The following WDPCP variants were observed in gnomAD, a reference collection of about 807,000 sequenced individuals.
WDPCP encodes the protein WD repeat containing planar cell polarity effector.
Under a neutral mutation model 93.1 loss-of-function variants are expected in WDPCP, and 71 were observed. That is an observed-to-expected ratio of 0.76 (90% CI 0.63 to 0.93). The LOEUF (loss-of-function observed/expected upper bound fraction) is 0.93. WDPCP is among the 40% of genes least tolerant of loss of function. The pLI, the probability that WDPCP is intolerant of heterozygous loss-of-function variation, is 0.00. For synonymous variants in WDPCP, 315 were observed against 315.0 expected (o/e 1.00, Z 0.00); for missense variants, 844 against 887.4 (o/e 0.95, Z 0.62).
chr2:63,357,573 TC>T (rs1380667689), intron 12 of WDPCP, among the ~76,000 whole-genome samples: 1 of 152,064 alleles, frequency 6.6e-6, no homozygotes, highest in Non-Finnish European at 1.5e-5. Context: ...CATCTCACAG[TC>T]AGAATGGCTA....
chr2:63,508,943 G>C (rs982836433), intron 1 of WDPCP, among the ~76,000 whole-genome samples: 5 of 152,132 alleles, frequency 3.3e-5, no homozygotes, highest in Non-Finnish European at 5.9e-5. Context: ...CAAGTTCTTA[G>C]AGACCTACAA....
intron 3 of WDPCP, among the ~76,000 whole-genome samples, chr2:63,602,934 C>CTTTTTTTTTTTTTTTTTTTTTTTTTTTTT (rs370479356): frequency 1.5e-5 from 2 of 131,538 alleles, no homozygotes; most frequent in Non-Finnish European, 3.4e-5. Flanking sequence ...TTTAACCGTT[C>CTTTTTTTTTTTTTTTTTTTTTTTTTTTTT]TTTTTTTTTT....
chr2:63,825,906 A>C (rs1671106238), intron 1 of WDPCP, among the ~76,000 whole-genome samples: 1 of 152,130 alleles, frequency 6.6e-6, no homozygotes, highest in Non-Finnish European at 1.5e-5. Flanking sequence ...AACAGTCCTT[A>C]TGATTTCCTT....
chr2:63,597,415 T>A (rs779201592), intron 3 of WDPCP: 3 of 1,441,696 alleles, frequency 2.1e-6, no homozygotes, highest in African/African-American at 1.5e-5. Flanking sequence ...TCGCAACAGA[T>A]AAAGAAGACG....
At chr2:63,499,079 A>G (rs1162217562) in intron 1 of WDPCP, among the ~76,000 whole-genome samples, 2 of 152,244 alleles carry the variant, frequency 1.3e-5, no homozygotes, top group Admixed American at 1.3e-4. Context: ...AAAGTTTTAT[A>G]GAATGGGCCT....
chr2:63,551,804 C>T (rs564190471), intron 1 of WDPCP, among the ~76,000 whole-genome samples: 1 of 151,872 alleles, frequency 6.6e-6, no homozygotes, highest in Non-Finnish European at 1.5e-5. Flanking sequence ...TTATTTGTTA[C>T]ATAAAAGGCA....
At chr2:63,417,343 T>G (rs1007339802) in intron 9 of WDPCP, among the ~76,000 whole-genome samples, 1 of 152,330 alleles carries the variant, frequency 6.6e-6, no homozygotes, top group African/African-American at 2.4e-5. Context: ...TTTAACCCTG[T>G]AGTTGGCATA....
chr2:63,660,209 C>T (rs972091077), intron 2 of WDPCP, among the ~76,000 whole-genome samples: 3 of 151,984 alleles, frequency 2.0e-5, no homozygotes, highest in Non-Finnish European at 2.9e-5. Context: ...TTTACCAGGA[C>T]TACAAGTCCT....
intron 14 of WDPCP, among the ~76,000 whole-genome samples, chr2:63,204,636 C>T (rs1299354683): frequency 6.6e-6 from 1 of 152,212 alleles, no homozygotes; most frequent in Non-Finnish European, 1.5e-5. Flanking sequence ...GCCACTGCGC[C>T]TGGCCTGTAC....
chr2:63,282,920 A>T (rs1160164555), intron 13 of WDPCP, among the ~76,000 whole-genome samples: 2 of 152,198 alleles, frequency 1.3e-5, no homozygotes, highest in Admixed American at 1.3e-4. Flanking sequence ...ATTACTTATA[A>T]CACTTACTAT....
At chr2:63,382,349 G>A (rs1267770236) in intron 10 of WDPCP, among the ~76,000 whole-genome samples, 7 of 151,920 alleles carry the variant, frequency 4.6e-5, no homozygotes, top group Admixed American at 1.3e-4. Flanking sequence ...AGATTGGGGG[G>A]TGGCATTCTG....
At chr2:63,572,671 C>G (rs1452505233) in intron 1 of WDPCP, among the ~76,000 whole-genome samples, 1 of 96,264 alleles carries the variant, frequency 1.0e-5, no homozygotes, top group East Asian at 4.0e-4. Context: ...CCACTGTACT[C>G]CAGCTGGGTG....
chr2:63,736,531 T>C (rs1669642485), intron 2 of WDPCP, among the ~76,000 whole-genome samples: 1 of 152,200 alleles, frequency 6.6e-6, no homozygotes, highest in African/African-American at 2.4e-5. Context: ...ACACCAAATA[T>C]GTTTTTAATA....
chr2:63,296,908 C>G (rs574025903), intron 13 of WDPCP, among the ~76,000 whole-genome samples: 173 of 152,272 alleles, frequency 1.1e-3, no homozygotes, highest in Admixed American at 3.5e-3. Context: ...TATCGAAGTA[C>G]CAATGTCATT....
At chr2:63,693,375 T>G (rs1391648758) in intron 2 of WDPCP, among the ~76,000 whole-genome samples, 4 of 152,062 alleles carry the variant, frequency 2.6e-5, no homozygotes, top group African/African-American at 9.7e-5. Context: ...GTGGTACAGA[T>G]AGTAATTTAA....
intron 2 of WDPCP, among the ~76,000 whole-genome samples, chr2:63,727,470 A>T (rs1669508673): frequency 6.6e-6 from 1 of 152,054 alleles, no homozygotes; most frequent in Admixed American, 6.6e-5. Flanking sequence ...GAGGAGTTTT[A>T]CATCTATGCT....
At chr2:63,282,026 C>T (rs1026189903) in intron 13 of WDPCP, among the ~76,000 whole-genome samples, 2 of 151,880 alleles carry the variant, frequency 1.3e-5, no homozygotes, top group African/African-American at 2.4e-5. Context: ...TACAGATTCA[C>T]TGCAATCCTT....
At chr2:63,365,559 C>T (rs1005289578) in intron 12 of WDPCP, among the ~76,000 whole-genome samples, 1 of 152,118 alleles carries the variant, frequency 6.6e-6, no homozygotes, top group African/African-American at 2.4e-5. Context: ...AATCTTTGAT[C>T]TCTTAGGACT....
At chr2:63,153,047 CAA>C in intron 16 of WDPCP, 102 bp from the exon 17 acceptor site, 1 of 954,618 alleles carries the variant, frequency 1.0e-6, no homozygotes, top group Non-Finnish European at 1.6e-6. Context: ...AAAATAATAA[CAA>C]GTTACAATGC....
Sources: gnomAD v4.1 joint callset for allele counts (sites outside exome capture counted in the v4.1 genomes callset) on GRCh38, gnomAD v4.1.1 for gene constraint, MANE v1.5 for transcripts, NCBI Gene and HGNC (gene_info 2026-07-23, HGNC 2026-07-21) for gene names.